Variants in NLRC5 observed in about 807,000 individuals in gnomAD.
NLRC5 encodes protein NLRC5.
NLRC5 carries 114 observed loss-of-function variants against 206.9 expected under a neutral mutation model. The ratio of observed to expected loss-of-function variants is 0.55; its 90% CI spans 0.47 to 0.64. The LOEUF is 0.64. Among genes scored for constraint, NLRC5 ranks in the 30% least tolerant of loss-of-function variants. NLRC5 has a pLI of 0.00. For missense variants in NLRC5, 2,008 were observed against 2,305.5 expected (o/e 0.87, Z 2.64); for synonymous variants, 952 against 962.8 (o/e 0.99, Z 0.21).
chr16:56,993,130 TATACACACACACACACACACACATATAC>T (rs2057142048), intron 1 of NLRC5, among the ~76,000 whole-genome samples: 1 of 143,374 alleles, frequency 7.0e-6, no homozygotes, highest in Non-Finnish European at 1.5e-5. Context: ...TGTATATATA[TATACACACACACACACACACACATATAC>T]ACATATATAG....
chr16:57,022,879 A>G (rs1201991946), intron 4 of NLRC5, among the ~76,000 whole-genome samples: 2 of 152,272 alleles, frequency 1.3e-5, no homozygotes, highest in African/African-American at 4.8e-5. Flanking sequence ...TAATGCCAAC[A>G]GAAAACCCAC....
intron 1 of NLRC5, among the ~76,000 whole-genome samples, chr16:57,002,377 A>G (rs2058358935): frequency 6.6e-6 from 1 of 151,968 alleles, no homozygotes; most frequent in South Asian, 2.1e-4. Flanking sequence ...CCAATGCCTG[A>G]CCTCAGGTGA....
At chr16:57,051,826 C>A (rs2064954646) in intron 24 of NLRC5, among the ~76,000 whole-genome samples, 1 of 151,984 alleles carries the variant, frequency 6.6e-6, no homozygotes, top group Admixed American at 6.6e-5. Flanking sequence ...CCAGCTCCAC[C>A]CTAATACTTT....
At chr16:57,059,415 A>C in intron 29 of NLRC5, 52 bp from the exon 30 acceptor site, 1 of 1,565,862 alleles carries the variant, frequency 6.4e-7, no homozygotes, top group Non-Finnish European at 8.7e-7. Context: ...CTAGGTGCCT[A>C]GGAAGCTGGC....
rs1385020969 is a variant in NLRC5 at position 57,029,992 on chromosome 16, C to A, written c.2328-3C>A. 1 of 1,614,030 alleles carries A rather than the reference C, an allele frequency of 6.2e-7. No homozygotes were observed. Among genetic ancestry groups the A allele is most frequent in the Admixed American group, 1.7e-5 (1 of 60,004 alleles). On this transcript the variant is annotated splice_polypyrimidine_tract_variant and splice_region_variant and intron_variant, in intron 9 of 48. Coordinates refer to ENST00000688547, the MANE Select transcript of NLRC5 (RefSeq NM_001384950.1). The stretch of plus-strand genomic sequence containing the variant: ...TCCTGACACCTTTGCCACAATCTTG[C>A]AGCCTGAGCAGCAACAGCATCTGCG...
At chr16:56,992,918 C>A (rs12924030) in intron 1 of NLRC5, among the ~76,000 whole-genome samples, 15,890 of 151,818 alleles carry the variant, frequency 0.1, 922 homozygotes, top group African/African-American at 0.12. Context: ...ATAGCTAATA[C>A]ATTTATGTAG....
intron 10 of NLRC5, among the ~76,000 whole-genome samples, chr16:57,031,192 AC>A (rs2143013508): frequency 6.6e-6 from 1 of 152,264 alleles, no homozygotes; most frequent in East Asian, 1.9e-4. Context: ...TTTTTAAAAC[AC>A]TCTTGCAGGA....
rs775605326 is a variant in NLRC5, at chr16:57,082,814, G to A, written c.*286G>A. ...TGTCATGACAATGCATGACACGTAC[G>A]GTTATATGTGGCAGTGTGACCCCTT... On this transcript the variant is annotated 3_prime_UTR_variant, in exon 49 of 49. Coordinates refer to ENST00000688547, the MANE Select transcript of NLRC5 (RefSeq NM_001384950.1). 7.3e-5 allele frequency: 23 copies of A among 315,688 alleles called. No homozygotes were observed. Among genetic ancestry groups the A allele is most frequent in the Non-Finnish European group, 9.4e-5 (16 of 170,526 alleles). 19.6% of individuals were successfully genotyped at this position (315,688 alleles called of 1,614,324 possible). A position where few individuals can be genotyped will look rare whatever the true frequency, so the allele number is the denominator to read the frequency against.
chr16:57,011,782 G>A (rs2059534373), intron 1 of NLRC5, among the ~76,000 whole-genome samples: 1 of 151,042 alleles, frequency 6.6e-6, no homozygotes, highest in Non-Finnish European at 1.5e-5. Flanking sequence ...ACACTTCCCA[G>A]TTTGTTGCTT....
At chr16:57,021,812 G>A (rs1328425341) in intron 3 of NLRC5, among the ~76,000 whole-genome samples, 1 of 152,194 alleles carries the variant, frequency 6.6e-6, no homozygotes, top group Non-Finnish European at 1.5e-5. Flanking sequence ...AGGACATTGA[G>A]GGGCAACAGC....
At chr16:57,016,586 G>A (rs2060126461) in intron 1 of NLRC5, among the ~76,000 whole-genome samples, 1 of 152,178 alleles carries the variant, frequency 6.6e-6, no homozygotes, top group Non-Finnish European at 1.5e-5. Context: ...ATGCCTCCAG[G>A]TCTTCTCTTT....
chr16:57,079,384 A>G, intron 45 of NLRC5, 92 bp downstream of exon 45: 1 of 1,465,256 alleles, frequency 6.8e-7, no homozygotes, highest in East Asian at 2.3e-5. Context: ...AGGCCTTTGA[A>G]GTGATAGAAG....
chr16:57,070,652 G>C, intron 38 of NLRC5, 34 bp downstream of exon 38: 3 of 1,568,324 alleles, frequency 1.9e-6, no homozygotes, highest in South Asian at 2.2e-5. Flanking sequence ...GTGAGTGAGT[G>C]GTGGGGGTGG....
At chr16:57,046,507 G>C (rs775863036) in intron 21 of NLRC5, 45 bp from the exon 22 acceptor site, 2 of 1,548,198 alleles carry the variant, frequency 1.3e-6, no homozygotes, top group Non-Finnish European at 1.8e-6. Context: ...CTGGGAGTCC[G>C]AGGGGGTGAT....
chr16:57,033,546 T>C, intron 11 of NLRC5, 58 bp from the exon 12 acceptor site: 1 of 1,560,428 alleles, frequency 6.4e-7, no homozygotes, highest in South Asian at 1.1e-5. Flanking sequence ...GAAAGAGGCT[T>C]GATCCACCAG....
intron 1 of NLRC5, among the ~76,000 whole-genome samples, chr16:56,994,367 G>T (rs2057341821): frequency 6.6e-6 from 1 of 152,156 alleles, no homozygotes; most frequent in South Asian, 2.1e-4. Context: ...GCAGACACCG[G>T]CTCTGGCTCA....
intron 8 of NLRC5, among the ~76,000 whole-genome samples, chr16:57,028,985 C>T (rs894030538): frequency 5.3e-5 from 8 of 152,184 alleles, no homozygotes; most frequent in Middle Eastern, 3.2e-3. Flanking sequence ...CCTGGCAGAA[C>T]GCTGCTAGTT....
At chr16:57,030,117 G>C in intron 10 of NLRC5, 33 bp downstream of exon 10, 1 of 1,572,468 alleles carries the variant, frequency 6.4e-7, no homozygotes, top group Non-Finnish European at 8.8e-7. Flanking sequence ...TGGCCTTATG[G>C]GCCTTGAGAA....
At position 57,054,743 on chromosome 16, in the gene NLRC5, C is replaced by G. The variant is rs200178434; in HGVS notation, c.3507-8C>G. 3 of 1,613,686 alleles carry G rather than the reference C, an allele frequency of 1.9e-6. 1 individual carries two copies. In the South Asian group the frequency reaches 3.3e-5, roughly 18 times the overall value. ...CATCTTGCCGGATCTACCCCCTTTC[C>G]TTTTCAGGCTGAGCCAGACGGGACT... On this transcript the variant is annotated splice_region_variant and splice_polypyrimidine_tract_variant and intron_variant, in intron 24 of 48. Coordinates refer to ENST00000688547, the MANE Select transcript of NLRC5 (RefSeq NM_001384950.1).
Sources: allele counts gnomAD v4.1 joint callset (sites outside exome capture counted in the v4.1 genomes callset), GRCh38; gene constraint gnomAD v4.1.1; transcripts MANE v1.5; gene names NCBI Gene and HGNC (gene_info 2026-07-23, HGNC 2026-07-21).